Variants in CEP85L observed in about 807,000 individuals in gnomAD.
CEP85L encodes centrosomal protein 85L, also known as centrosomal protein of 85 kDa-like.
In CEP85L, 60 loss-of-function variants were observed where a neutral mutation model predicts 100.3. That is an observed-to-expected ratio of 0.60 (90% confidence interval 0.49 to 0.74). The LOEUF is 0.74. Ranked by LOEUF, CEP85L falls within the 30% of genes least tolerant of loss-of-function variation. The pLI, the probability that CEP85L is intolerant of heterozygous loss-of-function variation, is 0.00. For missense variants in CEP85L, 973 were observed against 936.2 expected (o/e 1.04, Z -0.51); for synonymous variants, 319 against 322.7 (o/e 0.99, Z 0.12).
intron 2 of CEP85L, among the ~76,000 whole-genome samples, chr6:118,600,300 G>GGTGTGT (rs59278037): frequency 0.017 from 870 of 52,116 alleles, 106 homozygotes; most frequent in East Asian, 0.032. Context: ...CCTTCCTGGG[G>GGTGTGT]GTGTGTGTGT....
chr6:118,494,075 G>GA (rs973282525), intron 5 of CEP85L, among the ~76,000 whole-genome samples: 17 of 152,008 alleles, frequency 1.1e-4, no homozygotes, highest in Non-Finnish European at 2.1e-4. Context: ...TCCAAAACTG[G>GA]AAAAAAAGGA....
At chr6:118,699,025 G>T (rs1223426886) in intron 1 of CEP85L, among the ~76,000 whole-genome samples, 2 of 152,024 alleles carry the variant, frequency 1.3e-5, no homozygotes, top group African/African-American at 4.8e-5. Flanking sequence ...TCCTAGCGAG[G>T]GTTCAGGGGC....
intron 1 of CEP85L, among the ~76,000 whole-genome samples, chr6:118,661,392 A>G (rs796939012): frequency 2.0e-4 from 30 of 152,244 alleles, no homozygotes; most frequent in African/African-American, 6.3e-4. Flanking sequence ...AAACCAACTT[A>G]AAAATAAGGT....
At chr6:118,589,522 TAACAA>T (rs1230822569) in intron 2 of CEP85L, 3 of 253,286 alleles carry the variant, frequency 1.2e-5, no homozygotes, top group African/African-American at 6.9e-5. Context: ...CTGAGAAGAC[TAACAA>T]GACATCTAGA....
intron 4 of CEP85L, among the ~76,000 whole-genome samples, chr6:118,523,308 C>T (rs1423854436): frequency 1.3e-5 from 2 of 152,150 alleles, no homozygotes; most frequent in African/African-American, 4.8e-5. Flanking sequence ...TACTCAAACC[C>T]TTAAACATTT....
chr6:118,621,007 T>C (rs1773404647), intron 2 of CEP85L, among the ~76,000 whole-genome samples: 2 of 152,152 alleles, frequency 1.3e-5, no homozygotes, highest in African/African-American at 4.8e-5. Flanking sequence ...CCCTGAAGTC[T>C]GGGCAATGGA....
intron 3 of CEP85L, among the ~76,000 whole-genome samples, chr6:118,534,556 G>A (rs901823988): frequency 6.6e-6 from 1 of 152,180 alleles, no homozygotes; most frequent in Non-Finnish European, 1.5e-5. Context: ...AGGAGGCTGA[G>A]GCAGGAGAAT....
At chr6:118,573,524 T>C (rs935752269) in intron 2 of CEP85L, among the ~76,000 whole-genome samples, 19 of 152,034 alleles carry the variant, frequency 1.2e-4, no homozygotes, top group Admixed American at 1.2e-3. Context: ...ACAGTAACAA[T>C]GCATACAACA....
intron 2 of CEP85L, among the ~76,000 whole-genome samples, chr6:118,614,908 ATT>A: frequency 6.6e-6 from 1 of 151,736 alleles, no homozygotes; most frequent in East Asian, 1.9e-4. Flanking sequence ...AGATAGATAG[ATT>A]TTTTTAAAAG....
chr6:118,471,736 A>C (rs745367910), intron 10 of CEP85L, among the ~76,000 whole-genome samples: 6 of 151,502 alleles, frequency 4.0e-5, no homozygotes, highest in Non-Finnish European at 8.9e-5. Flanking sequence ...TTCTCCTTCT[A>C]GGGAAAAGTT....
chr6:118,687,278 T>G (rs1230544926), intron 1 of CEP85L, among the ~76,000 whole-genome samples: 1 of 152,060 alleles, frequency 6.6e-6, no homozygotes, highest in Non-Finnish European at 1.5e-5. Context: ...CAGGCTGGAG[T>G]GCAATGGCGT....
upstream of CEP85L, among the ~76,000 whole-genome samples, chr6:118,653,696 A>G (rs958172653): frequency 7.2e-5 from 6 of 83,810 alleles, no homozygotes; most frequent in Admixed American, 4.6e-4. Flanking sequence ...ATAAACCTCA[A>G]TCTTGGCAGT....
At chr6:118,601,071 C>A (rs910426772) in intron 2 of CEP85L, among the ~76,000 whole-genome samples, 1 of 152,114 alleles carries the variant, frequency 6.6e-6, no homozygotes, top group Admixed American at 6.5e-5. Flanking sequence ...TGTGCCTGTG[C>A]TGAGTTAAGA....
chr6:118,519,560 GTGTGTGTGTGTGTGT>G (rs1289586794), intron 4 of CEP85L, among the ~76,000 whole-genome samples: 3 of 14,862 alleles, frequency 2.0e-4, no homozygotes, highest in African/African-American at 5.7e-4. Context: ...GTGTGTGTGT[GTGTGTGTGTGTGTGT>G]GTGTGTGGCG....
intron 3 of CEP85L, among the ~76,000 whole-genome samples, chr6:118,536,410 T>C (rs991575968): frequency 6.6e-6 from 1 of 152,184 alleles, no homozygotes; most frequent in African/African-American, 2.4e-5. Flanking sequence ...GGGTGTGTAT[T>C]GGAATGGAGC....
At chr6:118,575,358 T>TG (rs1166750146) in intron 2 of CEP85L, among the ~76,000 whole-genome samples, 18 of 152,262 alleles carry the variant, frequency 1.2e-4, no homozygotes, top group African/African-American at 4.3e-4. Context: ...TTCAGTTTTC[T>TG]GGCCAAGGTT....
intron 2 of CEP85L, among the ~76,000 whole-genome samples, chr6:118,568,022 A>G (rs1215671986): frequency 7.9e-5 from 12 of 152,182 alleles, no homozygotes; most frequent in African/African-American, 2.9e-4. Context: ...ACACCCTGAA[A>G]CTATGATGCA....
At chr6:118,650,535 A>G (rs947405269) in intron 1 of CEP85L, among the ~76,000 whole-genome samples, 4 of 152,208 alleles carry the variant, frequency 2.6e-5, no homozygotes, top group African/African-American at 7.2e-5. Context: ...CGGTTGCTCA[A>G]TGGTCCATTG....
chr6:118,551,011 A>G (rs918626391), intron 3 of CEP85L, among the ~76,000 whole-genome samples: 20 of 151,254 alleles, frequency 1.3e-4, no homozygotes, highest in African/African-American at 4.6e-4. Context: ...ACACACCCCA[A>G]TCAATCAAAG....
Sources: gnomAD v4.1 joint callset for allele counts (sites outside exome capture counted in the v4.1 genomes callset) on GRCh38, gnomAD v4.1.1 for gene constraint, MANE v1.5 for transcripts, NCBI Gene and HGNC (gene_info 2026-07-23, HGNC 2026-07-21) for gene names.